The following ATP2B2 variants were observed in gnomAD, a reference collection of about 807,000 sequenced individuals.
The protein encoded by ATP2B2 is ATPase plasma membrane Ca2+ transporting 2.
In ATP2B2, 15 loss-of-function variants were observed where a neutral mutation model predicts 120.0. That is an observed-to-expected ratio of 0.12 (90% confidence interval 0.08 to 0.19). ATP2B2 has a LOEUF of 0.19. Among genes scored for constraint, ATP2B2 ranks in the 10% least tolerant of loss-of-function variants. ATP2B2 has a pLI of 1.00. For missense variants in ATP2B2, 1,045 were observed against 1,719.8 expected (o/e 0.61, Z 6.94); for synonymous variants, 694 against 700.3 (o/e 0.99, Z 0.14).
chr3:10,462,979 G>C (rs1366081522), intron 1 of ATP2B2, among the ~76,000 whole-genome samples: 1 of 152,080 alleles, frequency 6.6e-6, no homozygotes, highest in Non-Finnish European at 1.5e-5. Context: ...AACAACTAAT[G>C]CAAGTTCCTG....
chr3:10,557,053 T>A (rs1290160562), intron 2 of ATP2B2, among the ~76,000 whole-genome samples: 1 of 152,192 alleles, frequency 6.6e-6, no homozygotes, highest in Admixed American at 6.5e-5. Context: ...CAGACTGTCC[T>A]GCCATGAGTC....
intron 1 of ATP2B2, among the ~76,000 whole-genome samples, chr3:10,630,789 G>A (rs1273664998): frequency 6.7e-6 from 1 of 150,226 alleles, no homozygotes; most frequent in African/African-American, 2.4e-5. Context: ...CTGAGAGGTA[G>A]GTAGTGCTAT....
Position 10,350,099 on chromosome 3 carries a change from G to C in ATP2B2, c.2404+13C>G. The C allele has an allele frequency of 6.2e-7, 1 of 1,613,626 alleles. No homozygotes were observed. Among genetic ancestry groups the C allele is most frequent in the South Asian group, 1.1e-5 (1 of 90,992 alleles). On this transcript the variant is annotated intron_variant, in intron 16 of 22. Coordinates refer to ENST00000360273, the MANE Select transcript of ATP2B2 (RefSeq NM_001001331.4). ...CTGGGCTTCAGGATTGCCCGTGCCC[G>C]CCCAAGTCTTACCTTTAACCAGGGT...
intron 19 of ATP2B2, among the ~76,000 whole-genome samples, chr3:10,341,748 G>A (rs1031399352): frequency 1.4e-4 from 22 of 152,234 alleles, no homozygotes; most frequent in Non-Finnish European, 2.5e-4. Context: ...CAGGACCCCC[G>A]CTCTCCTCTC....
At position 10,326,054 on chromosome 3, in the gene ATP2B2, A is replaced by C. The variant is rs2059851521; in HGVS notation, c.*2760T>G. 1 of 152,210 alleles carries C rather than the reference A, an allele frequency of 6.6e-6. No individual in the cohort carries two copies. The highest frequency in any genetic ancestry group is 6.6e-5 in the Admixed American group (1 of 15,234). 9.4% of individuals were successfully genotyped at this position (152,210 alleles called of 1,614,324 possible). On this transcript the variant is annotated 3_prime_UTR_variant, in exon 23 of 23. Coordinates refer to ENST00000360273, the MANE Select transcript of ATP2B2 (RefSeq NM_001001331.4). Reference sequence around the variant, plus strand: ...AGAGCCAGCGATTGAAAGCATAACCATTGCATAGTATTAAATGAACAGAGA... The same window carrying C: ...AGAGCCAGCGATTGAAAGCATAACCCTTGCATAGTATTAAATGAACAGAGA...
chr3:10,676,062 T>A (rs1348542140), intron 1 of ATP2B2, among the ~76,000 whole-genome samples: 1 of 152,218 alleles, frequency 6.6e-6, no homozygotes, highest in East Asian at 1.9e-4. Context: ...ACTGCTTCCA[T>A]AAAGGCAGAG....
chr3:10,328,005 G>C lies in ATP2B2; in HGVS notation c.*809C>G, dbSNP rs776441097. 3.9e-5 allele frequency: 6 copies of C among 152,444 alleles called. No homozygotes were observed. The highest frequency in any genetic ancestry group is 7.4e-5 in the Non-Finnish European group (5 of 68,018). 9.4% of individuals were successfully genotyped at this position (152,444 alleles called of 1,614,324 possible). On this transcript the variant is annotated 3_prime_UTR_variant, in exon 23 of 23. Transcript: ENST00000360273. ...AAATAGCCAAAGACGTTATCTACAG[G>C]TTTGTAAACAAATTACATTCTTCTT...
intron 1 of ATP2B2, among the ~76,000 whole-genome samples, chr3:10,661,220 T>C (rs2070770951): frequency 6.6e-6 from 1 of 151,942 alleles, no homozygotes; most frequent in African/African-American, 2.4e-5. Flanking sequence ...CCACTCCTAT[T>C]CAACATAGTG....
intron 1 of ATP2B2, among the ~76,000 whole-genome samples, chr3:10,457,176 G>C (rs1002094116): frequency 6.6e-6 from 1 of 152,122 alleles, no homozygotes; most frequent in South Asian, 2.1e-4. Context: ...TGTTAGACCA[G>C]TGTGAGTGTG....
At chr3:10,393,474 C>G (rs998707320) in intron 5 of ATP2B2, among the ~76,000 whole-genome samples, 6 of 152,172 alleles carry the variant, frequency 3.9e-5, no homozygotes, top group Admixed American at 1.3e-4. Flanking sequence ...CAGCCTCACC[C>G]CATTTCACAG....
chr3:10,350,818 G>T lies in ATP2B2; in HGVS notation c.2137-241C>A, dbSNP rs1011702794. ...ACCCTGATGTGGTTCTCATCACAGA[G>T]TCCCAGGTCGCTACCACCTATTGAC... is the stretch of plus-strand genomic sequence containing the variant. On this transcript the variant is annotated intron_variant, in intron 14 of 22. Transcript: ENST00000360273. Among the ~76,000 whole-genome samples the T allele has an allele frequency of 3.3e-5, 5 of 152,322 alleles. No homozygotes were observed. In the South Asian group the frequency reaches 1.0e-3, roughly 32 times the overall value.
intron 1 of ATP2B2, among the ~76,000 whole-genome samples, chr3:10,476,522 G>A (rs2065209541): frequency 1.3e-5 from 2 of 152,216 alleles, no homozygotes; most frequent in South Asian, 4.1e-4. Flanking sequence ...CCCCATGCTT[G>A]GAGACCCCCA....
chr3:10,347,338 C>A lies in ATP2B2; in HGVS notation c.2405-1201G>T, dbSNP rs1296341805. ...CTCAGAGGCTGCTTTTCCCAGGAAG[C>A]CTTTCTGACCCTCTGAGGATCCCTG... On this transcript the variant is annotated intron_variant, in intron 16 of 22. Transcript: ENST00000360273. The surrounding 1 kb of genome is among the most constrained non-coding windows in gnomAD (Gnocchi z 5.2). 1.3e-5 allele frequency among the ~76,000 whole-genome samples: 2 copies of A among 152,304 alleles called. No homozygotes were observed. Among genetic ancestry groups the A allele is most frequent in the South Asian group, 4.1e-4 (2 of 4,826 alleles).
chr3:10,481,331 C>T lies in ATP2B2; in HGVS notation c.-320+24134G>A, dbSNP rs57743778. 1.1e-3 allele frequency among the ~76,000 whole-genome samples: 173 copies of T among 151,604 alleles called. 2 individuals carry two copies. In the East Asian group the frequency reaches 0.029, roughly 25 times the overall value. ...CACCCCCTCTCTTTTTCTGTTTCTG[C>T]GGCACACCAGCATACTCCACCTCAG... is the stretch of plus-strand genomic sequence containing the variant. On this transcript the variant is annotated intron_variant, in intron 1 of 22. Transcript: ENST00000360273.
At chr3:10,455,808 C>T (rs1220511250) in intron 1 of ATP2B2, among the ~76,000 whole-genome samples, 1 of 152,244 alleles carries the variant, frequency 6.6e-6, no homozygotes, top group Non-Finnish European at 1.5e-5. Flanking sequence ...TTCCCAGCTC[C>T]AGTGGTGTGA....
intron 22 of ATP2B2, among the ~76,000 whole-genome samples, chr3:10,335,104 G>T (rs2060082264): frequency 6.6e-6 from 1 of 152,222 alleles, no homozygotes; most frequent in Admixed American, 6.5e-5. Context: ...ATCAGAAGTG[G>T]TGGCATGAGG....
chr3:10,395,098 A>G (rs1276433981), intron 5 of ATP2B2, among the ~76,000 whole-genome samples: 1 of 152,126 alleles, frequency 6.6e-6, no homozygotes, highest in Admixed American at 6.5e-5. Flanking sequence ...TCCTCTAGGG[A>G]TCATTGAATC....
intron 1 of ATP2B2, among the ~76,000 whole-genome samples, chr3:10,494,036 A>C (rs541603681): frequency 9.8e-5 from 15 of 152,344 alleles, no homozygotes; most frequent in African/African-American, 3.4e-4. Context: ...GCACTCCATC[A>C]CAAATGCACT....
At chr3:10,451,913 A>AC (rs2064067775) in intron 1 of ATP2B2, among the ~76,000 whole-genome samples, 1 of 152,242 alleles carries the variant, frequency 6.6e-6, no homozygotes, top group Non-Finnish European at 1.5e-5. Flanking sequence ...TCTACTATGT[A>AC]CCAGGCACTG....
Sources: allele counts gnomAD v4.1 joint callset (sites outside exome capture counted in the v4.1 genomes callset), GRCh38; gene constraint gnomAD v4.1.1; non-coding constraint Gnocchi (gnomAD v3.1); transcripts MANE v1.5; gene names NCBI Gene and HGNC (gene_info 2026-07-23, HGNC 2026-07-21).